AKAP6: variants seen among roughly 807,000 people sequenced by gnomAD.
The protein encoded by AKAP6 is A-kinase anchor protein 6.
AKAP6 carries 58 observed loss-of-function variants against 188.5 expected under a neutral mutation model. That is an observed-to-expected ratio of 0.31 (90% CI 0.25 to 0.38). The LOEUF (loss-of-function observed/expected upper bound fraction) is 0.38. Ranked by LOEUF, AKAP6 falls within the 10% of genes least tolerant of loss-of-function variation. The pLI is 1.00. For synonymous variants in AKAP6, 989 were observed against 998.6 expected (o/e 0.99, Z 0.18); for missense variants, 2,710 against 2,740.0 (o/e 0.99, Z 0.24).
chr14:32,335,796 A>G (rs1253157967), intron 1 of AKAP6, among the ~76,000 whole-genome samples: 2 of 73,346 alleles, frequency 2.7e-5, no homozygotes, highest in African/African-American at 1.1e-4. Flanking sequence ...TACACAACAT[A>G]TTTATGCTGT....
intron 2 of AKAP6, among the ~76,000 whole-genome samples, chr14:32,451,114 G>A (rs542985990): frequency 3.9e-5 from 6 of 152,228 alleles, no homozygotes; most frequent in Non-Finnish European, 8.8e-5. Context: ...ACTTTGTGCA[G>A]GTCTGAAAGT....
chr14:32,787,223 G>T (rs1006927472), intron 12 of AKAP6, among the ~76,000 whole-genome samples: 13 of 151,916 alleles, frequency 8.6e-5, no homozygotes, highest in Non-Finnish European at 1.6e-4. Context: ...ATGAAAGAAA[G>T]GGGGGGAACC....
intron 11 of AKAP6, among the ~76,000 whole-genome samples, chr14:32,767,943 A>G (rs2032769319): frequency 1.3e-5 from 2 of 152,106 alleles, no homozygotes; most frequent in Admixed American, 1.3e-4. Context: ...TTTGCCTCGT[A>G]TTTATTTCTC....
At chr14:32,759,222 C>T (rs2032453490) in intron 11 of AKAP6, among the ~76,000 whole-genome samples, 1 of 151,994 alleles carries the variant, frequency 6.6e-6, no homozygotes, top group African/African-American at 2.4e-5. Context: ...ATTTTTCTTT[C>T]TTTTTTGAAA....
At chr14:32,712,964 A>T (rs2029977763) in intron 9 of AKAP6, among the ~76,000 whole-genome samples, 6 of 134,652 alleles carry the variant, frequency 4.5e-5, no homozygotes. Flanking sequence ...CCATCAGAGG[A>T]ATCACTATCT....
chr14:32,337,151 G>A (rs961224146), intron 1 of AKAP6, among the ~76,000 whole-genome samples: 1 of 152,168 alleles, frequency 6.6e-6, no homozygotes, highest in Non-Finnish European at 1.5e-5. Context: ...CAGCAGGGGA[G>A]GTGGTATATG....
At position 32,830,240 on chromosome 14, in the gene AKAP6, C is replaced by A; in HGVS notation, c.*435C>A. The stretch of plus-strand genomic sequence containing the variant: ...CCAGTACTTGACCAATTTCATGTAT[C>A]AATCTGGATTTTTTTTTAACGGTAT... On this transcript the variant is annotated 3_prime_UTR_variant, in exon 14 of 14. Transcript: ENST00000280979. 2.8e-6 allele frequency: 1 copy of A among 354,870 alleles called. No individual in the cohort carries two copies. Among genetic ancestry groups the A allele is most frequent in the Non-Finnish European group, 5.0e-6 (1 of 198,212 alleles). The allele number at this position is 354,870 out of a possible 1,614,324, so 22.0% of individuals were successfully genotyped here. A position where few individuals can be genotyped will look rare whatever the true frequency, so the allele number is the denominator to read the frequency against.
chr14:32,372,242 A>G (rs1273192499), intron 1 of AKAP6, among the ~76,000 whole-genome samples: 1 of 152,146 alleles, frequency 6.6e-6, no homozygotes, highest in Admixed American at 6.5e-5. Context: ...GTAAATACTA[A>G]GTATTTATTA....
intron 7 of AKAP6, among the ~76,000 whole-genome samples, chr14:32,664,553 G>A (rs1207474754): frequency 6.6e-6 from 1 of 152,106 alleles, no homozygotes; most frequent in African/African-American, 2.4e-5. Context: ...TCACAATTTT[G>A]TTTAAGAACA....
At chr14:32,372,482 C>CTCTGAAA (rs1473107920) in intron 1 of AKAP6, among the ~76,000 whole-genome samples, 2 of 151,704 alleles carry the variant, frequency 1.3e-5, no homozygotes, top group African/African-American at 2.4e-5. Context: ...ATCAAATGGC[C>CTCTGAAA]ATAACAATGA....
rs147847008 is a variant in AKAP6 at position 32,719,315 on chromosome 14, C to T, written c.3001-13139C>T. 4.2e-3 allele frequency among the ~76,000 whole-genome samples: 633 copies of T among 152,234 alleles called. 7 individuals are homozygous for T. Among genetic ancestry groups the T allele is most frequent in the African/African-American group, 0.014 (592 of 41,534 alleles). Reference sequence around the variant, plus strand: ...GGTGCAGCCTCTCAGTGCTGGAGTCCTTAGTCCTTGGGGAATGCCCATTTG... The same window carrying T: ...GGTGCAGCCTCTCAGTGCTGGAGTCTTTAGTCCTTGGGGAATGCCCATTTG... On this transcript the variant is annotated intron_variant, in intron 9 of 13. Transcript: ENST00000280979.
chr14:32,676,485 T>G lies in AKAP6; in HGVS notation c.2731-1826T>G, dbSNP rs556764742. ...TCATCAATAAAGATACTAACATCAC[T>G]AGATCTAGCGTTTTCTTTGTGCCTT... is the stretch of plus-strand genomic sequence containing the variant. On this transcript the variant is annotated intron_variant, in intron 7 of 13. Coordinates refer to ENST00000280979, the MANE Select transcript of AKAP6 (RefSeq NM_004274.5). 3.3e-5 allele frequency among the ~76,000 whole-genome samples: 5 copies of G among 152,316 alleles called. No individual in the cohort carries two copies. In the East Asian group the frequency reaches 9.7e-4, roughly 29 times the overall value.
chr14:32,784,133 G>A (rs945943212), intron 12 of AKAP6, among the ~76,000 whole-genome samples: 9 of 152,156 alleles, frequency 5.9e-5, no homozygotes, highest in African/African-American at 1.9e-4. Context: ...AGAAAAAGGC[G>A]TAAGCAAGCA....
intron 12 of AKAP6, among the ~76,000 whole-genome samples, chr14:32,797,162 C>G (rs965006111): frequency 2.6e-5 from 4 of 152,174 alleles, no homozygotes; most frequent in African/African-American, 7.2e-5. Context: ...AAAAGGAACA[C>G]TTTTACACTG....
chr14:32,683,010 T>TTGTTTTTTTTTGTTTG, intron 8 of AKAP6, among the ~76,000 whole-genome samples: 1 of 150,294 alleles, frequency 6.7e-6, no homozygotes, highest in African/African-American at 2.5e-5. Context: ...TTTTTTGTTT[T>TTGTTTTTTTTTGTTTG]TGAGACAAAG....
At chr14:32,484,549 G>A in intron 2 of AKAP6, 1 of 207,448 alleles carries the variant, frequency 4.8e-6, no homozygotes, top group Non-Finnish European at 7.0e-6. Flanking sequence ...CGATTTTTAG[G>A]GGAACTAGTC....
At chr14:32,657,838 T>TA (rs5807672) in intron 7 of AKAP6, among the ~76,000 whole-genome samples, 3 of 151,764 alleles carry the variant, frequency 2.0e-5, no homozygotes, top group African/African-American at 2.4e-5. Flanking sequence ...ATTAAAGTAA[T>TA]AAAAAAAATC....
intron 2 of AKAP6, chr14:32,473,647 C>T (rs989942874): frequency 2.0e-5 from 3 of 152,150 alleles, no homozygotes; most frequent in Admixed American, 1.3e-4. Flanking sequence ...GGACAAGGTT[C>T]ATTTGAAGGG....
At chr14:32,630,915 C>A (rs1403523753) in intron 7 of AKAP6, among the ~76,000 whole-genome samples, 1 of 152,028 alleles carries the variant, frequency 6.6e-6, no homozygotes, top group African/African-American at 2.4e-5. Flanking sequence ...AGCAGATATT[C>A]TTCTGGCTTC....
Sources: gnomAD v4.1 joint callset for allele counts (sites outside exome capture counted in the v4.1 genomes callset) on GRCh38, gnomAD v4.1.1 for gene constraint, MANE v1.5 for transcripts, NCBI Gene and HGNC (gene_info 2026-07-23, HGNC 2026-07-21) for gene names.